The following CLIC6 variants were observed in gnomAD, a reference collection of about 807,000 sequenced individuals.
CLIC6 encodes CLIC family member 6, also known as chloride intracellular channel protein 6.
A neutral mutation model predicts 49.2 loss-of-function variants in CLIC6; 39 were observed. The ratio of observed to expected loss-of-function variants is 0.79; its 90% CI spans 0.61 to 1.04. The LOEUF (loss-of-function observed/expected upper bound fraction) is 1.04. CLIC6 is among the 50% of genes least tolerant of loss of function. The pLI is 0.00. For missense variants in CLIC6, 988 were observed against 993.1 expected, an observed-to-expected ratio of 0.99 and a Z score of 0.07; for synonymous variants, 446 against 433.4, an observed-to-expected ratio of 1.03 and a Z score of -0.36.
chr21:34,701,408 C>T (rs1210399810), intron 1 of CLIC6, among the ~76,000 whole-genome samples: 2 of 151,722 alleles, frequency 1.3e-5, no homozygotes, highest in Non-Finnish European at 1.5e-5. Flanking sequence ...AGGCACCCTG[C>T]ACTCCGTAAT....
intron 5 of CLIC6, among the ~76,000 whole-genome samples, chr21:34,712,733 A>G (rs1324038462): frequency 6.6e-6 from 1 of 152,226 alleles, no homozygotes; most frequent in Non-Finnish European, 1.5e-5. Context: ...GTGACTGCTG[A>G]GCAGAGAAAA....
intron 5 of CLIC6, 36 bp downstream of exon 5, chr21:34,709,574 C>T (rs781602568): frequency 5.0e-5 from 79 of 1,571,162 alleles, no homozygotes; most frequent in Non-Finnish European, 6.4e-5. Flanking sequence ...GCCGAGTACA[C>T]GAACGGGGCT....
intron 1 of CLIC6, among the ~76,000 whole-genome samples, chr21:34,690,961 G>A (rs1053456562): frequency 2.0e-5 from 3 of 152,018 alleles, no homozygotes; most frequent in African/African-American, 7.2e-5. Context: ...TGTTTGGAGA[G>A]CAGCTGATCC....
chr21:34,712,045 T>C (rs1240654748), intron 5 of CLIC6, among the ~76,000 whole-genome samples: 1 of 152,200 alleles, frequency 6.6e-6, no homozygotes, highest in Admixed American at 6.5e-5. Context: ...TCATGGCCCC[T>C]TGTTTAGCTC....
At chr21:34,710,684 G>A (rs965596997) in intron 5 of CLIC6, among the ~76,000 whole-genome samples, 1 of 152,120 alleles carries the variant, frequency 6.6e-6, no homozygotes, top group Admixed American at 6.5e-5. Flanking sequence ...GTGGTGGCGG[G>A]CACCTGTACT....
intron 1 of CLIC6, among the ~76,000 whole-genome samples, chr21:34,685,074 C>T (rs1311114257): frequency 6.6e-6 from 1 of 152,094 alleles, no homozygotes; most frequent in Non-Finnish European, 1.5e-5. Flanking sequence ...AAAGCCTGGA[C>T]CCATTGTTCT....
At chr21:34,709,106 G>A (rs2056037746) in intron 4 of CLIC6, among the ~76,000 whole-genome samples, 1 of 152,216 alleles carries the variant, frequency 6.6e-6, no homozygotes, top group African/African-American at 2.4e-5. Context: ...TCTCCCCACA[G>A]GCTTTCCATA....
intron 1 of CLIC6, among the ~76,000 whole-genome samples, chr21:34,679,810 C>T (rs528017678): frequency 3.0e-5 from 3 of 98,888 alleles, no homozygotes; most frequent in African/African-American, 4.2e-5. Flanking sequence ...CCAAGTCACA[C>T]TGATGCATGA....
intron 1 of CLIC6, among the ~76,000 whole-genome samples, chr21:34,702,625 G>T (rs1429526310): frequency 3.3e-5 from 5 of 152,312 alleles, no homozygotes; most frequent in Admixed American, 1.3e-4. Context: ...CAGCGGAGGT[G>T]GGGAGGGCTG....
intron 5 of CLIC6, among the ~76,000 whole-genome samples, chr21:34,710,849 A>G (rs1196866184): frequency 6.6e-6 from 1 of 152,040 alleles, no homozygotes; most frequent in Non-Finnish European, 1.5e-5. Flanking sequence ...AAAAACCCCA[A>G]AAAAACAAGA....
chr21:34,678,038 T>C (rs1430410172), intron 1 of CLIC6, among the ~76,000 whole-genome samples: 1 of 152,172 alleles, frequency 6.6e-6, no homozygotes, highest in African/African-American at 2.4e-5. Context: ...CTTTGATGTA[T>C]CCTGTATGAC....
intron 1 of CLIC6, among the ~76,000 whole-genome samples, chr21:34,677,593 G>A (rs1336101103): frequency 6.6e-6 from 1 of 152,150 alleles, no homozygotes; most frequent in Non-Finnish European, 1.5e-5. Context: ...TCAAAAAATG[G>A]ATGCCTTAGT....
At chr21:34,692,850 C>G (rs1197483517) in intron 1 of CLIC6, among the ~76,000 whole-genome samples, 2 of 152,198 alleles carry the variant, frequency 1.3e-5, no homozygotes, top group Non-Finnish European at 2.9e-5. Context: ...TGCAGAAGAG[C>G]TGGGGAATTC....
Position 34,704,893 on chromosome 21 carries a change from G to A in CLIC6, c.1375-2387G>A, listed in dbSNP as rs188194706. Among the ~76,000 whole-genome samples, 518 of 152,224 alleles carry A rather than the reference G, an allele frequency of 3.4e-3. 3 individuals are homozygous for A. Among genetic ancestry groups the A allele is most frequent in the Non-Finnish European group, 5.7e-3 (385 of 68,010 alleles). On this transcript the variant is annotated intron_variant, in intron 1 of 5. Transcript: ENST00000349499. ...AATATAATTATTCTGCAGATGCCACGGTGGAAAGAGGCCACTGCAAGAAGG... is the reference window on the plus strand; with the variant it reads ...AATATAATTATTCTGCAGATGCCACAGTGGAAAGAGGCCACTGCAAGAAGG...
intron 1 of CLIC6, 56 bp downstream of exon 1, chr21:34,670,818 T>G: frequency 6.5e-7 from 1 of 1,529,810 alleles, no homozygotes; most frequent in Non-Finnish European, 8.8e-7. Context: ...GAGGTCTTGG[T>G]CATCTCAGAT....
intron 1 of CLIC6, among the ~76,000 whole-genome samples, chr21:34,674,715 T>C (rs1345237667): frequency 6.6e-6 from 1 of 152,240 alleles, no homozygotes; most frequent in Admixed American, 6.5e-5. Flanking sequence ...TAATTATTTG[T>C]CATCAAATTA....
intron 1 of CLIC6, among the ~76,000 whole-genome samples, chr21:34,683,523 TG>T (rs1989820255): frequency 6.6e-6 from 1 of 152,006 alleles, no homozygotes; most frequent in African/African-American, 2.4e-5. Flanking sequence ...GTTTACGGAG[TG>T]GGAGGGTGAT....
Position 34,670,456 on chromosome 21 carries a change from G to A in CLIC6, c.1068G>A (p.Glu356=). The change falls in exon 1 of 6, where the codon GAG becomes GAA. Residue 356 remains glutamate (E), a synonymous_variant. Coordinates refer to ENST00000349499, the MANE Select transcript of CLIC6 (RefSeq NM_053277.3). ...APGDARADAG[E]DRVGDGPQQE... The stretch of plus-strand genomic sequence containing the variant: ...GGGACGCAAGGGCAGACGCTGGCGA[G>A]GACAGGGTAGGGGATGGGCCACAGC... 6.8e-7 allele frequency: 1 copy of A among 1,476,628 alleles called. No homozygotes were observed. The highest frequency in any genetic ancestry group is 9.0e-7 in the Non-Finnish European group (1 of 1,114,066). 91.5% of individuals were successfully genotyped at this position (1,476,628 alleles called of 1,614,324 possible).
chr21:34,701,683 C>T (rs945881553), intron 1 of CLIC6, among the ~76,000 whole-genome samples: 1 of 152,176 alleles, frequency 6.6e-6, no homozygotes, highest in African/African-American at 2.4e-5. Flanking sequence ...AACGCCAGCA[C>T]CCATTCCCGT....
Sources: allele counts gnomAD v4.1 joint callset (sites outside exome capture counted in the v4.1 genomes callset), GRCh38; gene constraint gnomAD v4.1.1; transcripts MANE v1.5; gene names NCBI Gene and HGNC (gene_info 2026-07-23, HGNC 2026-07-21).